CEP295: variants seen among roughly 807,000 people sequenced by gnomAD.
CEP295 encodes the protein centrosomal protein of 295 kDa.
In CEP295, 190 loss-of-function variants were observed where a neutral mutation model predicts 291.6. That is an observed-to-expected ratio of 0.65 (90% confidence interval 0.58 to 0.73). The LOEUF (loss-of-function observed/expected upper bound fraction) is 0.73. CEP295 is among the 30% of genes least tolerant of loss of function. The pLI, the probability that CEP295 is intolerant of heterozygous loss-of-function variation, is 0.00. For missense variants in CEP295, 2,863 were observed against 2,949.4 expected, an observed-to-expected ratio of 0.97 and a Z score of 0.68; for synonymous variants, 993 against 1,038.8, an observed-to-expected ratio of 0.96 and a Z score of 0.85.
chr11:93,699,549 T>A lies in CEP295; in HGVS notation c.4637T>A (p.Val1546Asp). The change falls in exon 15 of 30, where the codon GTT becomes GAT. Residue 1546 changes from valine (V) to aspartate (D), a missense_variant. Physicochemically the swap from Val to Asp is radical, Grantham distance 152 (BLOSUM62 -3). This residue lies in a region of CEP295 where 2,295 missense variants were observed against 2,335.7 expected (regional missense o/e 0.98). Coordinates refer to ENST00000325212, the MANE Select transcript of CEP295 (RefSeq NM_033395.2). Reference protein sequence around the residue: ...ELEKRVSSEQVCSSSFVSQVP... With the variant: ...ELEKRVSSEQDCSSSFVSQVP... ...GAGAAAAGGGTATCATCTGAACAAG[T>A]TTGCTCCTCTTCATTTGTATCCCAG... 2 of 1,551,892 alleles carry A rather than the reference T, an allele frequency of 1.3e-6. No individual in the cohort carries two copies. The highest frequency in any genetic ancestry group is 1.4e-5 in the African/African-American group (1 of 73,186).
At chr11:93,681,476 C>T (rs1447806979) in intron 7 of CEP295, among the ~76,000 whole-genome samples, 13 of 112,134 alleles carry the variant, frequency 1.2e-4, no homozygotes, top group Non-Finnish European at 1.8e-4. Flanking sequence ...AGTGCAATGG[C>T]GTGATCTTGG....
At chr11:93,691,889 A>T in intron 11 of CEP295, 38 bp from the exon 12 acceptor site, 1 of 1,402,108 alleles carries the variant, frequency 7.1e-7, no homozygotes, top group East Asian at 2.5e-5. Context: ...AAAATTCTAA[A>T]TTATTGAAAC....
chr11:93,695,605 GA>G lies in CEP295; in HGVS notation c.1648del (p.Arg550GlufsTer18). 6.8e-7 allele frequency: 1 copy of G among 1,465,702 alleles called. No individual in the cohort carries two copies. 90.8% of individuals were successfully genotyped at this position (1,465,702 alleles called of 1,614,324 possible). On this transcript the variant is annotated frameshift_variant, in exon 13 of 30. Coordinates refer to ENST00000325212, the MANE Select transcript of CEP295 (RefSeq NM_033395.2). LOFTEE classifies it high-confidence loss of function. Reference sequence around the variant, plus strand: ...CTGCTTCAGGGCTCAGCTGGAAGAAGAAAAAAGAAAAAAAACTCAACCGACT... The same window carrying G: ...CTGCTTCAGGGCTCAGCTGGAAGAAGAAAAAGAAAAAAAACTCAACCGACT... Reference protein sequence around the residue: ...TDCFRAQLEEEKRKKTQPTGV... With the variant: ...TDCFRAQLEEXKRKKTQPTGV...
At chr11:93,662,172 C>T (rs1009928327) in intron 1 of CEP295, among the ~76,000 whole-genome samples, 2 of 152,200 alleles carry the variant, frequency 1.3e-5, no homozygotes, top group Admixed American at 6.5e-5. Flanking sequence ...GCAAAGAGCA[C>T]GCTCTCTTTT....
Position 93,704,405 on chromosome 11 carries a change from C to G in CEP295, c.5596+1486C>G, listed in dbSNP as rs115900887. Among the ~76,000 whole-genome samples, 779 of 152,194 alleles carry G rather than the reference C, an allele frequency of 5.1e-3. 6 individuals are homozygous for G. Among genetic ancestry groups the G allele is most frequent in the African/African-American group, 0.017 (716 of 41,522 alleles). Reference sequence around the variant, plus strand: ...CTTTGGGAGGCTGAGATGGGAGGATCGAGACCAGCCTGGTGTAATGCAGGG... The same window carrying G: ...CTTTGGGAGGCTGAGATGGGAGGATGGAGACCAGCCTGGTGTAATGCAGGG... On this transcript the variant is annotated intron_variant, in intron 17 of 29. Transcript: ENST00000325212.
chr11:93,720,936 C>T (rs963247059), intron 18 of CEP295, among the ~76,000 whole-genome samples: 2 of 151,972 alleles, frequency 1.3e-5, no homozygotes, highest in South Asian at 2.1e-4. Flanking sequence ...TGCATGTTTT[C>T]GCATCTTTAG....
chr11:93,698,797 G>A lies in CEP295; in HGVS notation c.3885G>A (p.Leu1295=). 6.4e-7 allele frequency: 1 copy of A among 1,551,652 alleles called. No individual in the cohort carries two copies. The highest frequency in any genetic ancestry group is 8.7e-7 in the Non-Finnish European group (1 of 1,146,980). ...GTTCATCTTCATTCATACCCCAGTT[G>A]GTACAGCTTTCATTTACTTCGTTAG... ...QTGSSSFIPQ[L]VQLSFTSLAS... is the part of the protein sequence containing the mutation. The change falls in exon 15 of 30, where the codon TTG becomes TTA. Residue 1295 remains leucine (L), a synonymous_variant. Transcript: ENST00000325212.
At position 93,729,452 on chromosome 11, in the gene CEP295, C is replaced by G. The variant is rs558061169; in HGVS notation, c.7321C>G (p.Leu2441Val). The change falls in exon 26 of 30, where the codon CTT becomes GTT. Residue 2441 changes from leucine to valine, a missense_variant. Coordinates refer to ENST00000325212, the MANE Select transcript of CEP295 (RefSeq NM_033395.2). ...CFFQVSEFLP[L>V]VSATEASDYP... is the part of the protein sequence containing the mutation. ...CCATTAGGTGAGTGAGTTTCTGCCT[C>G]TTGTATCAGCAACAGAAGCCTCAGA... 6.4e-7 allele frequency: 1 copy of G among 1,551,640 alleles called. No homozygotes were observed. Among genetic ancestry groups the G allele is most frequent in the South Asian group, 1.2e-5 (1 of 84,056 alleles).
At chr11:93,718,417 T>G (rs1166021307) in intron 18 of CEP295, among the ~76,000 whole-genome samples, 1 of 152,194 alleles carries the variant, frequency 6.6e-6, no homozygotes, top group Non-Finnish European at 1.5e-5. Context: ...TCACTTCCCC[T>G]TTTTAGGAAC....
At chr11:93,728,535 CTGTTGGTCTT>C (rs1330581902) in intron 24 of CEP295, 136 bp from the exon 25 acceptor site, 17 of 575,930 alleles carry the variant, frequency 3.0e-5, no homozygotes, top group Admixed American at 1.5e-4. Context: ...GAAATCTGAT[CTGTTGGTCTT>C]TGCCAATCAT....
rs947895799 is a variant in CEP295 at position 93,698,022 on chromosome 11, C to G, written c.3110C>G (p.Pro1037Arg). 3.2e-6 allele frequency: 5 copies of G among 1,551,758 alleles called. No homozygotes were observed. Among genetic ancestry groups the G allele is most frequent in the Non-Finnish European group, 4.4e-6 (5 of 1,146,994 alleles). Residue 1037 changes from proline (P) to arginine (R), a missense_variant, in exon 15 of 30, where the codon CCC becomes CGC. Around this residue, in one of 3 missense-constraint regions of CEP295, gnomAD observed 2,295 missense variants for 2,335.7 expected, o/e 0.98. Coordinates refer to ENST00000325212, the MANE Select transcript of CEP295 (RefSeq NM_033395.2). ...KGLVSCQSDI[P>R]ISQDGSLSFL... ...CTTGTTTCATGCCAATCTGACATCC[C>G]CATATCTCAGGATGGGTCTTTGAGT...
chr11:93,685,030 T>C (rs540652051), intron 9 of CEP295, among the ~76,000 whole-genome samples: 1 of 152,370 alleles, frequency 6.6e-6, no homozygotes, highest in South Asian at 2.1e-4. Context: ...TAGCAATAAA[T>C]TTATGATCTT....
chr11:93,725,873 T>A, intron 23 of CEP295, 42 bp downstream of exon 23: 2 of 1,489,738 alleles, frequency 1.3e-6, no homozygotes, highest in Non-Finnish European at 1.8e-6. Flanking sequence ...TTTCCATGAT[T>A]TTTTACATCC....
intron 25 of CEP295, chr11:93,729,171 A>C: frequency 1.9e-6 from 1 of 517,458 alleles, no homozygotes. Flanking sequence ...GGAGGCAATA[A>C]GAATAAAGCT....
At chr11:93,667,963 T>G (rs1950263259) in intron 3 of CEP295, among the ~76,000 whole-genome samples, 156 bp downstream of exon 3, 1 of 149,816 alleles carries the variant, frequency 6.7e-6, no homozygotes, top group East Asian at 2.0e-4. Flanking sequence ...TTGTGAATAA[T>G]AGGCTCATTT....
intron 7 of CEP295, among the ~76,000 whole-genome samples, chr11:93,681,155 A>G (rs1298697290): frequency 6.6e-6 from 1 of 152,130 alleles, no homozygotes; most frequent in East Asian, 1.9e-4. Context: ...TCATTCTGCC[A>G]GGATTTATCT....
intron 23 of CEP295, among the ~76,000 whole-genome samples, chr11:93,726,112 T>TTTTTTG (rs1265042596): frequency 9.3e-5 from 14 of 150,656 alleles, no homozygotes; most frequent in Admixed American, 8.6e-4. Flanking sequence ...TTTGTTTGTT[T>TTTTTTG]TTTTTGTTTT....
intron 18 of CEP295, among the ~76,000 whole-genome samples, chr11:93,710,844 G>A (rs1952844387): frequency 6.6e-6 from 1 of 152,152 alleles, no homozygotes. Flanking sequence ...ACCTTGGTAG[G>A]TTGTATGTGT....
At chr11:93,715,446 C>T (rs1953177242) in intron 18 of CEP295, among the ~76,000 whole-genome samples, 1 of 152,072 alleles carries the variant, frequency 6.6e-6, no homozygotes, top group East Asian at 1.9e-4. Context: ...GGCCTGGAAT[C>T]GGGGACTCCA....
Sources: allele counts gnomAD v4.1 joint callset (sites outside exome capture counted in the v4.1 genomes callset), GRCh38; gene constraint gnomAD v4.1.1; regional missense constraint gnomAD v4.1.1; transcripts MANE v1.5; gene names NCBI Gene and HGNC (gene_info 2026-07-23, HGNC 2026-07-21).